The following FAM110B variants were observed in gnomAD, a reference collection of about 807,000 sequenced individuals.
FAM110B encodes the protein family with sequence similarity 110 member B, also known as protein FAM110B.
Under a neutral mutation model 20.4 loss-of-function variants are expected in FAM110B, and 6 were observed. The observed-to-expected ratio is 0.29, with a 90% CI of 0.16 to 0.58. The LOEUF (loss-of-function observed/expected upper bound fraction) is 0.58, where lower values mean the gene tolerates loss of function less well. Ranked by LOEUF, FAM110B falls within the 20% of genes least tolerant of loss-of-function variation. FAM110B has a pLI of 0.90. For missense variants in FAM110B, 434 were observed against 498.2 expected (o/e 0.87, Z 1.23); for synonymous variants, 226 against 214.1 (o/e 1.06, Z -0.49).
chr8:58,083,600 G>A (rs147359141), intron 3 of FAM110B, among the ~76,000 whole-genome samples: 4 of 152,036 alleles, frequency 2.6e-5, no homozygotes, highest in African/African-American at 4.8e-5. Flanking sequence ...TGTTAATTCC[G>A]CTATTTCGGG....
chr8:58,061,045 A>G (rs1486274554), intron 2 of FAM110B, among the ~76,000 whole-genome samples: 1 of 152,214 alleles, frequency 6.6e-6, no homozygotes. Context: ...TACACAGTAT[A>G]ATATTCTCAG....
intron 2 of FAM110B, among the ~76,000 whole-genome samples, chr8:58,072,082 T>C (rs936877237): frequency 3.9e-5 from 6 of 152,244 alleles, no homozygotes; most frequent in African/African-American, 1.4e-4. Context: ...ACAGTTAGGC[T>C]TGGACACTCA....
intron 2 of FAM110B, among the ~76,000 whole-genome samples, chr8:58,036,124 T>C (rs1253472022): frequency 6.6e-6 from 1 of 152,198 alleles, no homozygotes; most frequent in Non-Finnish European, 1.5e-5. Flanking sequence ...AGGCAGCCTC[T>C]CTTTCAGAAT....
intron 2 of FAM110B, among the ~76,000 whole-genome samples, chr8:58,036,798 C>T (rs1805082013): frequency 6.6e-6 from 1 of 152,148 alleles, no homozygotes; most frequent in African/African-American, 2.4e-5. Context: ...ACTTGAGTAC[C>T]ATTGAAGAGC....
chr8:58,005,618 A>AG (rs1349841855), intron 1 of FAM110B, among the ~76,000 whole-genome samples: 1 of 152,212 alleles, frequency 6.6e-6, no homozygotes, highest in Non-Finnish European at 1.5e-5. Flanking sequence ...TGAAACAAAA[A>AG]CAGTGGTGTC....
chr8:58,037,900 C>T (rs529985932), intron 2 of FAM110B, among the ~76,000 whole-genome samples: 21 of 152,256 alleles, frequency 1.4e-4, no homozygotes, highest in African/African-American at 5.1e-4. Flanking sequence ...CCTTCCCCCA[C>T]TACAGTTAAC....
intron 1 of FAM110B, among the ~76,000 whole-genome samples, chr8:58,030,725 G>A (rs1196805737): frequency 6.6e-6 from 1 of 152,144 alleles, no homozygotes; most frequent in Non-Finnish European, 1.5e-5. Flanking sequence ...TCCTGCTTTT[G>A]AGTAAACAAA....
At chr8:58,066,101 G>T (rs1351736489) in intron 2 of FAM110B, among the ~76,000 whole-genome samples, 1 of 152,052 alleles carries the variant, frequency 6.6e-6, no homozygotes, top group Non-Finnish European at 1.5e-5. Context: ...CCAGAGCCTC[G>T]TAGTACCCCG....
chr8:58,057,036 G>C (rs2150583378), intron 2 of FAM110B, among the ~76,000 whole-genome samples: 1 of 152,280 alleles, frequency 6.6e-6, no homozygotes, highest in East Asian at 1.9e-4. Flanking sequence ...CATAAATGAG[G>C]GCAACATAGG....
chr8:58,041,268 C>T (rs1805214459), intron 2 of FAM110B, among the ~76,000 whole-genome samples: 1 of 152,154 alleles, frequency 6.6e-6, no homozygotes, highest in African/African-American at 2.4e-5. Context: ...ATCGTCTGTG[C>T]ACACCTCACT....
intron 1 of FAM110B, among the ~76,000 whole-genome samples, chr8:58,003,666 T>C (rs1456673068): frequency 6.6e-6 from 1 of 152,198 alleles, no homozygotes; most frequent in Non-Finnish European, 1.5e-5. Context: ...GGCATTGTAA[T>C]TGAGCAGTAA....
chr8:58,141,113 A>T lies in FAM110B; in HGVS notation c.-324-4794A>T, dbSNP rs1803735029. On this transcript the variant is annotated intron_variant, in intron 3 of 3. Coordinates refer to ENST00000519262, the MANE Select transcript of FAM110B (RefSeq NM_001377989.1). ...TTTTTACTTCAAAGACAAGGATGCG[A>T]CTGTTCTTAAAAGGGAAGCCAAGAG... is the stretch of plus-strand genomic sequence containing the variant. Among the ~76,000 whole-genome samples, 5 of 152,330 alleles carry T rather than the reference A, an allele frequency of 3.3e-5. No individual in the cohort carries two copies. The South Asian group carries it at 1.0e-3, about 32-fold the overall frequency.
At chr8:58,019,610 G>A (rs1804709202) in intron 1 of FAM110B, among the ~76,000 whole-genome samples, 2 of 152,056 alleles carry the variant, frequency 1.3e-5, no homozygotes, top group South Asian at 4.1e-4. Flanking sequence ...TTGTTGCTGA[G>A]TATGTAGTAT....
At position 58,139,377 on chromosome 8, in the gene FAM110B, C is replaced by G. The variant is rs541093293; in HGVS notation, c.-324-6530C>G. Among the ~76,000 whole-genome samples the G allele has an allele frequency of 4.6e-5, 7 of 152,314 alleles. No individual in the cohort carries two copies. The East Asian group carries it at 1.4e-3, about 29-fold the overall frequency. ...CATGGAGATAAGAAAGAAAAAGACACAGCATTCAGTAATTGGAAAAGTGCA... is the reference window on the plus strand; with the variant it reads ...CATGGAGATAAGAAAGAAAAAGACAGAGCATTCAGTAATTGGAAAAGTGCA... On this transcript the variant is annotated intron_variant, in intron 3 of 3. Coordinates refer to ENST00000519262, the MANE Select transcript of FAM110B (RefSeq NM_001377989.1).
At chr8:58,129,957 T>G (rs537964731) in intron 3 of FAM110B, among the ~76,000 whole-genome samples, 1 of 152,348 alleles carries the variant, frequency 6.6e-6, no homozygotes, top group South Asian at 2.1e-4. Flanking sequence ...ACAGTTTATC[T>G]TTAAAATTCT....
chr8:58,004,364 A>G (rs912466711), intron 1 of FAM110B, among the ~76,000 whole-genome samples: 12 of 152,226 alleles, frequency 7.9e-5, no homozygotes, highest in African/African-American at 2.9e-4. Flanking sequence ...TCTTAGCTCC[A>G]TATTCTAGAT....
At chr8:58,017,708 T>A (rs1466222729) in intron 1 of FAM110B, among the ~76,000 whole-genome samples, 4 of 152,242 alleles carry the variant, frequency 2.6e-5, no homozygotes, top group Non-Finnish European at 5.9e-5. Flanking sequence ...AAGAAAGATA[T>A]CCACAAGCTT....
At chr8:58,031,358 C>T (rs1221858225) in intron 1 of FAM110B, 2 of 152,168 alleles carry the variant, frequency 1.3e-5, no homozygotes, top group East Asian at 3.8e-4. Flanking sequence ...CATGGAAATA[C>T]ACAGGCTCTC....
intron 2 of FAM110B, among the ~76,000 whole-genome samples, chr8:58,054,945 G>A (rs1805520305): frequency 6.6e-6 from 1 of 151,770 alleles, no homozygotes. Context: ...ATTAGAAACA[G>A]CTGTTTAGTA....
Sources: allele counts gnomAD v4.1 joint callset (sites outside exome capture counted in the v4.1 genomes callset), GRCh38; gene constraint gnomAD v4.1.1; transcripts MANE v1.5; gene names NCBI Gene and HGNC (gene_info 2026-07-23, HGNC 2026-07-21).